Variants in VCL observed in about 807,000 individuals in gnomAD.
VCL encodes vinculin.
VCL carries 47 observed loss-of-function variants against 125.7 expected under a neutral mutation model. The observed-to-expected ratio is 0.37, with a 90% CI of 0.30 to 0.48. The LOEUF (loss-of-function observed/expected upper bound fraction) is 0.48, where lower values mean the gene tolerates loss of function less well. Among genes scored for constraint, VCL ranks in the 20% least tolerant of loss-of-function variants. The pLI, the probability that VCL is intolerant of heterozygous loss-of-function variation, is 0.99. For synonymous variants in VCL, 458 were observed against 514.6 expected (o/e 0.89, Z 1.49); for missense variants, 1,069 against 1,455.5 (o/e 0.73, Z 4.32).
At chr10:74,025,310 C>A (rs1840749805) in intron 1 of VCL, among the ~76,000 whole-genome samples, 1 of 152,074 alleles carries the variant, frequency 6.6e-6, no homozygotes, top group South Asian at 2.1e-4. Context: ...GCCATGGTGC[C>A]TGGCCCCACT....
At chr10:74,001,213 C>A (rs913572818) in intron 1 of VCL, among the ~76,000 whole-genome samples, 2 of 152,062 alleles carry the variant, frequency 1.3e-5, no homozygotes, top group African/African-American at 4.8e-5. Flanking sequence ...GAGGACCTAC[C>A]CATTGCTTCA....
At chr10:74,002,880 C>CAAAAAAAAAAA (rs777477698) in intron 1 of VCL, among the ~76,000 whole-genome samples, 1 of 66,774 alleles carries the variant, frequency 1.5e-5, no homozygotes, top group Non-Finnish European at 3.4e-5. Context: ...GACTCTGTCT[C>CAAAAAAAAAAA]AAAAAAAAAA....
intron 1 of VCL, 66 bp from the exon 2 acceptor site, chr10:74,043,017 C>A: frequency 1.4e-6 from 2 of 1,397,086 alleles, no homozygotes; most frequent in Non-Finnish European, 2.0e-6. Flanking sequence ...TTCAAATATG[C>A]TTAAGTAATA....
chr10:74,065,253 C>T (rs1042786603), intron 2 of VCL, among the ~76,000 whole-genome samples: 1 of 151,822 alleles, frequency 6.6e-6, no homozygotes, highest in East Asian at 1.9e-4. Context: ...TCTCCTGCCT[C>T]AGCCTCCCAA....
chr10:74,022,093 C>CA (rs1427591494), intron 1 of VCL, among the ~76,000 whole-genome samples: 1 of 152,146 alleles, frequency 6.6e-6, no homozygotes, highest in African/African-American at 2.4e-5. Context: ...ACATCCCTAA[C>CA]CCCTTTCTGA....
At position 74,090,158 on chromosome 10, in the gene VCL, A is replaced by G. The variant is rs150016624; in HGVS notation, c.1312A>G (p.Ile438Val). 6.2e-7 allele frequency: 1 copy of G among 1,614,234 alleles called. No homozygotes were observed. The highest frequency in any genetic ancestry group is 8.5e-7 in the Non-Finnish European group (1 of 1,180,050). The stretch of plus-strand genomic sequence containing the variant: ...TGACATTCTACGTTCCCTTGGGGAA[A>G]TATCTGCTCTGACTTCTAAATTAGC... ...RDDILRSLGEISALTSKLADL... is the reference protein window; with the variant it reads ...RDDILRSLGEVSALTSKLADL... Residue 438 changes from isoleucine to valine, a missense_variant, in exon 10 of 22, where the codon ATA (isoleucine) becomes GTA (valine). Transcript: ENST00000211998.
At chr10:74,048,018 CAA>C (rs1841221897) in intron 2 of VCL, among the ~76,000 whole-genome samples, 1 of 152,118 alleles carries the variant, frequency 6.6e-6, no homozygotes, top group African/African-American at 2.4e-5. Context: ...TAATTTTACC[CAA>C]GACTGCAATA....
chr10:73,999,346 A>T (rs1236168320), intron 1 of VCL, among the ~76,000 whole-genome samples: 1 of 152,226 alleles, frequency 6.6e-6, no homozygotes, highest in Non-Finnish European at 1.5e-5. Flanking sequence ...TGTAACCCAC[A>T]GCTGTGACTC....
Position 74,097,732 on chromosome 10 carries a change from C to T in VCL, c.1872+400C>T, listed in dbSNP as rs746215545. On this transcript the variant is annotated intron_variant, in intron 13 of 21. Transcript: ENST00000211998. This position sits in a 1 kb window ranked among gnomAD's most constrained non-coding sequence, Gnocchi z 4.1. ...CAGGAAGAAATGAAGAATGGGGGTA[C>T]TCCAGTCACAACTGTGCCTTTCGAG... Among the ~76,000 whole-genome samples, 4 of 152,224 alleles carry T rather than the reference C, an allele frequency of 2.6e-5. No individual in the cohort carries two copies. In the South Asian group the frequency reaches 8.3e-4, roughly 32 times the overall value.
At chr10:74,047,587 A>G (rs1176931629) in intron 2 of VCL, among the ~76,000 whole-genome samples, 1 of 152,198 alleles carries the variant, frequency 6.6e-6, no homozygotes, top group Non-Finnish European at 1.5e-5. Flanking sequence ...AAGCAACACT[A>G]AAGGCTAAAA....
chr10:74,082,569 GATCA>G (rs1839693984), intron 7 of VCL, 25 bp downstream of exon 7: 1 of 1,610,190 alleles, frequency 6.2e-7, no homozygotes, highest in South Asian at 1.1e-5. Context: ...CTGCTTTTCT[GATCA>G]ATACAACGAG....
intron 1 of VCL, among the ~76,000 whole-genome samples, chr10:74,036,941 C>T (rs1171178712): frequency 5.3e-5 from 8 of 149,666 alleles, no homozygotes; most frequent in Non-Finnish European, 1.0e-4. Context: ...GATGGAGTCT[C>T]GCTCTGTCAC....
intron 1 of VCL, among the ~76,000 whole-genome samples, chr10:74,040,433 T>A (rs536834224): frequency 1.3e-5 from 2 of 152,330 alleles, no homozygotes; most frequent in East Asian, 3.9e-4. Flanking sequence ...GTGTCCCTCC[T>A]TCCCCCCACA....
chr10:74,107,387 A>C, intron 17 of VCL, 33 bp downstream of exon 17: 1 of 1,614,200 alleles, frequency 6.2e-7, no homozygotes, highest in Admixed American at 1.7e-5. Flanking sequence ...AGAATTGAGC[A>C]GGAAGGTGTT....
chr10:74,103,969 G>A, intron 15 of VCL, 41 bp downstream of exon 15: 1 of 1,592,638 alleles, frequency 6.3e-7, no homozygotes, highest in Non-Finnish European at 8.6e-7. Flanking sequence ...AATCCATGAA[G>A]AATGAGTTCT....
chr10:74,102,451 T>G (rs553627567), intron 14 of VCL, among the ~76,000 whole-genome samples: 1 of 152,340 alleles, frequency 6.6e-6, no homozygotes, highest in South Asian at 2.1e-4. Flanking sequence ...TCTATTCAAA[T>G]TATAGAAAAT....
chr10:74,104,052 G>T, intron 15 of VCL, 124 bp downstream of exon 15: 2 of 984,172 alleles, frequency 2.0e-6, no homozygotes, highest in Non-Finnish European at 3.1e-6. Context: ...GCTGAGCAGT[G>T]TACTTGGCTC....
rs371970354 is a variant in VCL, at chr10:74,105,192, G to C, written c.2273G>C (p.Arg758Pro). 1.2e-6 allele frequency: 2 copies of C among 1,614,022 alleles called. No individual in the cohort carries two copies. The highest frequency in any genetic ancestry group is 1.3e-5 in the African/African-American group (1 of 74,906). ...GTTGCTGGGGCAACCAGTATTGCTC[G>C]TCGGGCCAACCGGATCCTGCTGGTG... Reference protein sequence around the residue: ...MLVAGATSIARRANRILLVAK... With the variant: ...MLVAGATSIAPRANRILLVAK... Residue 758 changes from arginine to proline, a missense_variant, in exon 16 of 22, where the codon CGT becomes CCT. Coordinates refer to ENST00000211998, the MANE Select transcript of VCL (RefSeq NM_014000.3).
Position 74,107,352 on chromosome 10 carries a change from C to G in VCL, c.2557C>G (p.Arg853Gly), listed in dbSNP as rs766109034. ...GCCTCCACCAGACCTTGAACAACTC[C>G]GAGTAAGTAAATTCAGATATGCAGA... ...PPPPPDLEQLRLTDELAPPKP... is the reference protein window; with the variant it reads ...PPPPPDLEQLGLTDELAPPKP... Residue 853 changes from arginine (R) to glycine (G), a missense_variant and splice_region_variant, in exon 17 of 22, where the codon CGA becomes GGA. Transcript: ENST00000211998. The G allele has an allele frequency of 1.9e-6, 3 of 1,614,158 alleles. No individual in the cohort carries two copies. Among genetic ancestry groups the G allele is most frequent in the South Asian group, 2.2e-5 (2 of 91,072 alleles).
Sources: allele counts gnomAD v4.1 joint callset (sites outside exome capture counted in the v4.1 genomes callset), GRCh38; gene constraint gnomAD v4.1.1; non-coding constraint Gnocchi (gnomAD v3.1); transcripts MANE v1.5; gene names NCBI Gene and HGNC (gene_info 2026-07-23, HGNC 2026-07-21).